Variants in HEMK2 observed in about 807,000 individuals in gnomAD.
The protein encoded by HEMK2 is HemK methyltransferase 2, ETF1 glutamine and histone H4 lysine.
chr21:28,743,486 G>A, the HEMK2 span, among the ~76,000 whole-genome samples: 1 of 152,072 alleles, frequency 6.6e-6, no homozygotes, highest in African/African-American at 2.4e-5. Context: ...TAAAGCACTT[G>A]CTTCTATTGT....
chr21:28,697,063 G>A, the HEMK2 span, among the ~76,000 whole-genome samples: 1 of 152,118 alleles, frequency 6.6e-6, no homozygotes, highest in Non-Finnish European at 1.5e-5. Context: ...TGCTATGAAA[G>A]TCTCTGACAT....
the HEMK2 span, chr21:28,876,530 T>A: frequency 7.3e-7 from 1 of 1,365,404 alleles, no homozygotes. Flanking sequence ...ATTAAGCCAT[T>A]TGGTAGTGTG....
the HEMK2 span, among the ~76,000 whole-genome samples, chr21:28,724,868 A>G: frequency 6.6e-5 from 10 of 151,978 alleles, no homozygotes; most frequent in Non-Finnish European, 1.5e-4. Context: ...TGCAACCTCT[A>G]CCTCCTGGGT....
the HEMK2 span, among the ~76,000 whole-genome samples, chr21:28,579,581 T>G: frequency 6.6e-6 from 1 of 152,128 alleles, no homozygotes. Context: ...TTTTTTAATG[T>G]TTTTATTAAT....
the HEMK2 span, among the ~76,000 whole-genome samples, chr21:28,788,170 C>T: frequency 1.7e-5 from 2 of 116,628 alleles, no homozygotes; most frequent in East Asian, 5.2e-4. Context: ...ATATATACTC[C>T]ATCATATATA....
the HEMK2 span, among the ~76,000 whole-genome samples, chr21:28,595,773 C>CTTTATTTATTTATTTA: frequency 9.5e-3 from 1,413 of 149,430 alleles, 23 homozygotes; most frequent in African/African-American, 0.032. Flanking sequence ...TTTTATTTTA[C>CTTTATTTATTTATTTA]TTTATTTATT....
the HEMK2 span, among the ~76,000 whole-genome samples, chr21:28,663,213 C>T: frequency 6.6e-6 from 1 of 152,162 alleles, no homozygotes; most frequent in Non-Finnish European, 1.5e-5. Flanking sequence ...TGAGAAAGTG[C>T]AATGATAAGT....
At chr21:28,828,825 G>GT in the HEMK2 span, among the ~76,000 whole-genome samples, 59 of 151,896 alleles carry the variant, frequency 3.9e-4, no homozygotes, top group African/African-American at 1.2e-3. Flanking sequence ...GCAACAACCT[G>GT]TTTTTTTTAA....
the HEMK2 span, among the ~76,000 whole-genome samples, chr21:28,579,164 T>C: frequency 2.0e-5 from 3 of 152,194 alleles, no homozygotes; most frequent in Admixed American, 2.0e-4. Flanking sequence ...TCAATGCAAA[T>C]GAATTCTGTT....
chr21:28,782,799 T>C, the HEMK2 span, among the ~76,000 whole-genome samples: 7 of 152,244 alleles, frequency 4.6e-5, no homozygotes, highest in Non-Finnish European at 7.3e-5. Flanking sequence ...GTAAAAGCCA[T>C]TGAATTGTAC....
chr21:28,846,541 C>G, the HEMK2 span, among the ~76,000 whole-genome samples: 1 of 152,146 alleles, frequency 6.6e-6, no homozygotes, highest in Non-Finnish European at 1.5e-5. Flanking sequence ...TCGCATCTCC[C>G]TAATGATTAG....
chr21:28,879,764 AGTCTGTGATAGCAGCAGCT>A, the HEMK2 span: 1 of 773,764 alleles, frequency 1.3e-6, no homozygotes, highest in Non-Finnish European at 2.0e-6. Context: ...AAATCAGAGT[AGTCTGTGATAGCAGCAGCT>A]GACTGATGTC....
At chr21:28,877,144 GAGAGAGAGAAAGAA>G in the HEMK2 span, among the ~76,000 whole-genome samples, 484 of 123,438 alleles carry the variant, frequency 3.9e-3, 3 homozygotes, top group African/African-American at 0.014. Flanking sequence ...GAAGAGAAGA[GAGAGAGAGAAAGAA>G]AGAGAAAGAA....
At chr21:28,714,892 T>C in the HEMK2 span, among the ~76,000 whole-genome samples, 1 of 152,174 alleles carries the variant, frequency 6.6e-6, no homozygotes, top group African/African-American at 2.4e-5. Flanking sequence ...ACATGTGATA[T>C]TTGGTTTTCT....
chr21:28,882,356 A>G, the HEMK2 span: 3 of 545,956 alleles, frequency 5.5e-6, no homozygotes, highest in East Asian at 4.5e-5. Flanking sequence ...ACAGATTTAG[A>G]AAAAAAAAAA....
At chr21:28,877,179 A>G in the HEMK2 span, among the ~76,000 whole-genome samples, 86,690 of 127,514 alleles carry the variant, frequency 0.68, 29,230 homozygotes, top group South Asian at 0.73. Flanking sequence ...AGAAAGAAAG[A>G]GAGGGAGGGA....
chr21:28,754,836 A>G, the HEMK2 span, among the ~76,000 whole-genome samples: 2 of 152,244 alleles, frequency 1.3e-5, no homozygotes, highest in African/African-American at 2.4e-5. Flanking sequence ...TGTGCCTGCA[A>G]TAAGAAAAGC....
At chr21:28,629,926 C>CTTT in the HEMK2 span, among the ~76,000 whole-genome samples, 2 of 146,778 alleles carry the variant, frequency 1.4e-5, no homozygotes, top group Non-Finnish European at 3.0e-5. Flanking sequence ...TGCTCAGTTT[C>CTTT]TTTTTTTTTT....
At chr21:28,789,006 A>G in the HEMK2 span, among the ~76,000 whole-genome samples, 1 of 152,118 alleles carries the variant, frequency 6.6e-6, no homozygotes, top group Non-Finnish European at 1.5e-5. Flanking sequence ...GAGAGGCGGG[A>G]AACAGATTCT....
Sources: allele counts gnomAD v4.1 joint callset (sites outside exome capture counted in the v4.1 genomes callset), GRCh38; gene constraint gnomAD v4.1.1; transcripts MANE v1.5; gene names NCBI Gene and HGNC (gene_info 2026-07-23, HGNC 2026-07-21).